Variants in GRIK3 observed in about 807,000 individuals in gnomAD.
The protein encoded by GRIK3 is glutamate receptor ionotropic, kainate 3.
A neutral mutation model predicts 102.5 loss-of-function variants in GRIK3; 29 were observed. That is an observed-to-expected ratio of 0.28 (90% CI 0.21 to 0.39). GRIK3 has a LOEUF of 0.39. GRIK3 is among the 10% of genes least tolerant of loss of function. The pLI is 1.00. For missense variants in GRIK3, 908 were observed against 1,252.4 expected (o/e 0.73, Z 4.15); for synonymous variants, 511 against 504.9 (o/e 1.01, Z -0.16).
At chr1:36,859,773 G>A (rs566639907) in intron 6 of GRIK3, 71 bp downstream of exon 6, 1 of 1,201,176 alleles carries the variant, frequency 8.3e-7, no homozygotes, top group African/African-American at 1.5e-5. Flanking sequence ...AAAGAAACAA[G>A]AGGAAGGAGA....
At chr1:36,891,747 A>G (rs1356310691) in intron 1 of GRIK3, among the ~76,000 whole-genome samples, 4 of 152,224 alleles carry the variant, frequency 2.6e-5, no homozygotes, top group Non-Finnish European at 5.9e-5. Flanking sequence ...AGAAAGAAAA[A>G]TAATTTAGAG....
intron 11 of GRIK3, among the ~76,000 whole-genome samples, chr1:36,821,935 A>C (rs905582279): frequency 1.1e-4 from 16 of 152,242 alleles, no homozygotes; most frequent in East Asian, 3.8e-4. Context: ...TTTTAACCCC[A>C]AAAAATCCCC....
intron 1 of GRIK3, among the ~76,000 whole-genome samples, chr1:36,907,774 C>T (rs1280818106): frequency 6.6e-6 from 1 of 152,056 alleles, no homozygotes; most frequent in East Asian, 1.9e-4. Flanking sequence ...GGCTGAATAT[C>T]ATGGGACATC....
chr1:37,000,361 A>C lies in GRIK3; in HGVS notation c.115+33633T>G, dbSNP rs1642464104. ...TGCCATGTCCTGTGAAAAATGTTTC[A>C]TGTATAACCTCTAATTAATTCAGTC... On this transcript the variant is annotated intron_variant, in intron 1 of 15. Coordinates refer to ENST00000373091, the MANE Select transcript of GRIK3 (RefSeq NM_000831.4). Among the ~76,000 whole-genome samples, 3 of 152,246 alleles carry C rather than the reference A, an allele frequency of 2.0e-5. No individual in the cohort carries two copies. The South Asian group carries it at 6.2e-4, about 31-fold the overall frequency.
chr1:36,826,339 G>A (rs987633625), intron 10 of GRIK3, among the ~76,000 whole-genome samples: 1 of 152,174 alleles, frequency 6.6e-6, no homozygotes, highest in Non-Finnish European at 1.5e-5. Flanking sequence ...CCCTCCAAAT[G>A]CAAGTTGGGC....
intron 11 of GRIK3, among the ~76,000 whole-genome samples, chr1:36,824,665 A>G (rs983823790): frequency 6.6e-6 from 1 of 151,992 alleles, no homozygotes; most frequent in African/African-American, 2.4e-5. Context: ...GGATTTAGAG[A>G]AAAAAAAGGA....
At chr1:36,934,333 C>T (rs1209726717) in intron 1 of GRIK3, among the ~76,000 whole-genome samples, 3 of 152,194 alleles carry the variant, frequency 2.0e-5, no homozygotes, top group Non-Finnish European at 4.4e-5. Context: ...CATGACATTG[C>T]TCTCTCTTCC....
At chr1:36,831,394 C>T (rs1640294442) in intron 10 of GRIK3, among the ~76,000 whole-genome samples, 1 of 152,236 alleles carries the variant, frequency 6.6e-6, no homozygotes, top group Admixed American at 6.5e-5. Context: ...ACCAGCCTCA[C>T]TCCTGCCATG....
intron 1 of GRIK3, among the ~76,000 whole-genome samples, chr1:36,901,495 T>G (rs2124283308): frequency 6.6e-6 from 1 of 152,290 alleles, no homozygotes; most frequent in East Asian, 1.9e-4. Context: ...AACACCCCAT[T>G]AATGATAAAA....
At chr1:36,976,969 C>T (rs1642202662) in intron 1 of GRIK3, among the ~76,000 whole-genome samples, 1 of 152,166 alleles carries the variant, frequency 6.6e-6, no homozygotes, top group Non-Finnish European at 1.5e-5. Flanking sequence ...CAGCCAATCA[C>T]AATCTAAGAG....
chr1:36,979,665 G>A (rs576557942), intron 1 of GRIK3, among the ~76,000 whole-genome samples: 1 of 152,310 alleles, frequency 6.6e-6, no homozygotes, highest in South Asian at 2.1e-4. Flanking sequence ...CTTCTCTTGG[G>A]AATCTCAACT....
intron 1 of GRIK3, among the ~76,000 whole-genome samples, chr1:36,925,903 C>T (rs1641522178): frequency 6.6e-6 from 1 of 152,138 alleles, no homozygotes. Flanking sequence ...ACCTGTAGGC[C>T]CCAAGCCTGA....
intron 1 of GRIK3, among the ~76,000 whole-genome samples, chr1:36,921,361 C>T (rs1641469067): frequency 6.6e-6 from 1 of 152,206 alleles, no homozygotes; most frequent in African/African-American, 2.4e-5. Flanking sequence ...TACTCCATGT[C>T]CTTACTACAG....
chr1:36,982,633 G>T (rs896682795), intron 1 of GRIK3, among the ~76,000 whole-genome samples: 1 of 152,154 alleles, frequency 6.6e-6, no homozygotes, highest in Non-Finnish European at 1.5e-5. Context: ...GAAAGTCCCC[G>T]CCCTCAGCCA....
chr1:36,930,892 C>A (rs149326025), intron 1 of GRIK3, among the ~76,000 whole-genome samples: 5 of 152,202 alleles, frequency 3.3e-5, no homozygotes, highest in African/African-American at 1.2e-4. Context: ...GCTCAGCCAA[C>A]GAAACAGGCA....
rs376048456 is a variant in GRIK3 at position 36,850,871 on chromosome 1, G to A, written c.1213-447C>T. On this transcript the variant is annotated intron_variant, in intron 8 of 15. Coordinates refer to ENST00000373091, the MANE Select transcript of GRIK3 (RefSeq NM_000831.4). This position sits in a 1 kb window ranked among gnomAD's most constrained non-coding sequence, Gnocchi z 4.0. ...CACAAGGAGGGGATGGACCTCACTG[G>A]GAAATGCTGCTGGGTTTAAAGGCAG... is the stretch of plus-strand genomic sequence containing the variant. Among the ~76,000 whole-genome samples the A allele has an allele frequency of 6.6e-6, 1 of 152,236 alleles. No individual in the cohort carries two copies. The highest frequency in any genetic ancestry group is 1.9e-4 in the East Asian group (1 of 5,192).
chr1:36,805,347 A>G, intron 14 of GRIK3, 110 bp from the exon 15 acceptor site: 1 of 1,121,142 alleles, frequency 8.9e-7, no homozygotes, highest in South Asian at 1.5e-5. Flanking sequence ...GGATCAGCTC[A>G]TGAAAGGGGG....
chr1:37,000,865 T>C (rs140779520), intron 1 of GRIK3, among the ~76,000 whole-genome samples: 1 of 152,264 alleles, frequency 6.6e-6, no homozygotes, highest in African/African-American at 2.4e-5. Context: ...CTTTCTCAGG[T>C]CAGAAAGCCC....
chr1:36,862,479 G>T (rs1341006869), intron 5 of GRIK3, among the ~76,000 whole-genome samples: 3 of 152,158 alleles, frequency 2.0e-5, no homozygotes, highest in Non-Finnish European at 4.4e-5. Context: ...AGATAACGCT[G>T]ATGCATAGTC....
Sources: allele counts gnomAD v4.1 joint callset (sites outside exome capture counted in the v4.1 genomes callset), GRCh38; gene constraint gnomAD v4.1.1; non-coding constraint Gnocchi (gnomAD v3.1); transcripts MANE v1.5; gene names NCBI Gene and HGNC (gene_info 2026-07-23, HGNC 2026-07-21).